ANKRD12: variants seen among roughly 807,000 people sequenced by gnomAD.
The protein encoded by ANKRD12 is ankyrin repeat domain 12.
A neutral mutation model predicts 183.4 loss-of-function variants in ANKRD12; 85 were observed. The ratio of observed to expected loss-of-function variants is 0.46; its 90% CI spans 0.39 to 0.56. The LOEUF is 0.56. Ranked by LOEUF, ANKRD12 falls within the 20% of genes least tolerant of loss-of-function variation. ANKRD12 has a pLI of 0.00. For missense variants in ANKRD12, 2,405 were observed against 2,357.1 expected, an observed-to-expected ratio of 1.02 and a Z score of -0.42; for synonymous variants, 914 against 800.2, an observed-to-expected ratio of 1.14 and a Z score of -2.40.
intron 7 of ANKRD12, among the ~76,000 whole-genome samples, chr18:9,220,856 GAAACCATCATTGGTTT>G (rs1295089574): frequency 6.6e-6 from 1 of 152,140 alleles, no homozygotes; most frequent in Admixed American, 6.5e-5. Flanking sequence ...GAGTCATAGG[GAAACCATCATTGGTTT>G]AGATCTTTTC....
chr18:9,217,625 A>G (rs1470491823), intron 7 of ANKRD12, among the ~76,000 whole-genome samples: 1 of 152,206 alleles, frequency 6.6e-6, no homozygotes, highest in Non-Finnish European at 1.5e-5. Flanking sequence ...GAATGAAGAA[A>G]AATGTAGCCT....
In ANKRD12 at chr18:9,258,069, A is replaced by G. The variant is rs2038746210; in HGVS notation, c.4802A>G (p.Asn1601Ser). The change falls in exon 9 of 13, where the codon AAT (asparagine) becomes AGT (serine). Residue 1601 changes from asparagine (N) to serine (S), a missense_variant. Physicochemically the swap from Asn to Ser is conservative, Grantham distance 46. This residue lies in a region of ANKRD12 where 1,983 missense variants were observed against 1,725.9 expected (regional missense o/e 1.15). Coordinates refer to ENST00000262126, the MANE Select transcript of ANKRD12 (RefSeq NM_015208.5). ...FNGSDASTQL[N>S]THYAFSKLTY... ...GGAAGTGATGCCTCTACCCAGCTAAATACACATTATGCATTTAGCAAACTA... is the reference window on the plus strand; with the variant it reads ...GGAAGTGATGCCTCTACCCAGCTAAGTACACATTATGCATTTAGCAAACTA... 1.2e-6 allele frequency: 2 copies of G among 1,613,274 alleles called. No individual in the cohort carries two copies. The highest frequency in any genetic ancestry group is 2.2e-5 in the East Asian group (1 of 44,882).
intron 4 of ANKRD12, among the ~76,000 whole-genome samples, chr18:9,205,408 C>T (rs950964241): frequency 6.6e-6 from 1 of 151,774 alleles, no homozygotes; most frequent in Non-Finnish European, 1.5e-5. Context: ...CTGTTTTATA[C>T]ACTTTTTATT....
intron 8 of ANKRD12, among the ~76,000 whole-genome samples, chr18:9,235,301 C>CTG (rs1012918069): frequency 6.6e-6 from 1 of 151,968 alleles, no homozygotes; most frequent in African/African-American, 2.4e-5. Flanking sequence ...CCAGCCTGGG[C>CTG]AACATAGAAA....
chr18:9,143,822 AGT>A (rs60169467), intron 1 of ANKRD12, among the ~76,000 whole-genome samples: 9,581 of 152,156 alleles, frequency 0.063, 332 homozygotes, highest in Non-Finnish European at 0.079. Context: ...CGCCCTCTTT[AGT>A]GTGTTTCTAT....
intron 8 of ANKRD12, among the ~76,000 whole-genome samples, chr18:9,248,837 G>T (rs1246083000): frequency 6.6e-6 from 1 of 152,216 alleles, no homozygotes; most frequent in Non-Finnish European, 1.5e-5. Flanking sequence ...GTTAGTATGG[G>T]AAGTCATGGC....
chr18:9,213,764 CTT>C (rs1192905505), intron 6 of ANKRD12, among the ~76,000 whole-genome samples: 2 of 151,398 alleles, frequency 1.3e-5, no homozygotes, highest in Non-Finnish European at 3.0e-5. Flanking sequence ...GAACATGTAA[CTT>C]TTTAATTACA....
At chr18:9,167,521 T>C (rs1234589542) in intron 1 of ANKRD12, among the ~76,000 whole-genome samples, 1 of 152,102 alleles carries the variant, frequency 6.6e-6, no homozygotes, top group Non-Finnish European at 1.5e-5. Context: ...CTCTGTTTGT[T>C]TGTTATTGGT....
intron 1 of ANKRD12, among the ~76,000 whole-genome samples, chr18:9,172,684 G>C (rs1355164618): frequency 6.6e-6 from 1 of 152,108 alleles, no homozygotes; most frequent in East Asian, 1.9e-4. Flanking sequence ...GCTCAGCCAA[G>C]TTCATTATCA....
intron 3 of ANKRD12, among the ~76,000 whole-genome samples, chr18:9,201,366 G>A (rs1464163502): frequency 6.6e-6 from 1 of 152,188 alleles, no homozygotes; most frequent in African/African-American, 2.4e-5. Context: ...ATGTGAAAGT[G>A]TTAAACAGCT....
chr18:9,246,057 G>A (rs2037944921), intron 8 of ANKRD12, among the ~76,000 whole-genome samples: 1 of 152,158 alleles, frequency 6.6e-6, no homozygotes, highest in South Asian at 2.1e-4. Context: ...ATGTAAGATG[G>A]ACATAGATGA....
chr18:9,222,997 A>G (rs1223314188), intron 8 of ANKRD12, among the ~76,000 whole-genome samples: 2 of 152,242 alleles, frequency 1.3e-5, no homozygotes, highest in Non-Finnish European at 2.9e-5. Context: ...AACTGTGGTA[A>G]ATATTGTCAA....
chr18:9,161,436 C>T (rs189794806), intron 1 of ANKRD12, among the ~76,000 whole-genome samples: 16 of 151,572 alleles, frequency 1.1e-4, no homozygotes, highest in African/African-American at 3.1e-4. Context: ...AGTGCAGTGG[C>T]GCGATCTCGG....
chr18:9,251,257 G>A (rs2038280901), intron 8 of ANKRD12, among the ~76,000 whole-genome samples: 1 of 152,110 alleles, frequency 6.6e-6, no homozygotes, highest in Admixed American at 6.6e-5. Context: ...CCCCGCATCA[G>A]CCACATCTGC....
chr18:9,254,344 T>G lies in ANKRD12; in HGVS notation c.1077T>G (p.Asp359Glu). ...AAACACCTCTTCCATCTGCCCTTGATGAGTATGAGTTCAAAGATGATGATG... is the reference window on the plus strand; with the variant it reads ...AAACACCTCTTCCATCTGCCCTTGAGGAGTATGAGTTCAAAGATGATGATG... ...PSKTPLPSAL[D>E]EYEFKDDDDE... is the part of the protein sequence containing the mutation. The change falls in exon 9 of 13, where the codon GAT becomes GAG. Residue 359 changes from aspartate to glutamate, a missense_variant. By Grantham distance (45) the Asp-to-Glu change is conservative (BLOSUM62 2). This residue lies in a region of ANKRD12 where 1,983 missense variants were observed against 1,725.9 expected (regional missense o/e 1.15). Transcript: ENST00000262126. 6.2e-7 allele frequency: 1 copy of G among 1,613,066 alleles called. No individual in the cohort carries two copies. The highest frequency in any genetic ancestry group is 8.5e-7 in the Non-Finnish European group (1 of 1,179,494).
At chr18:9,219,492 A>C (rs2036294012) in intron 7 of ANKRD12, among the ~76,000 whole-genome samples, 1 of 152,196 alleles carries the variant, frequency 6.6e-6, no homozygotes, top group African/African-American at 2.4e-5. Context: ...ATGAGCAGTT[A>C]CTGATGTAGA....
At chr18:9,232,365 C>T (rs1399952779) in intron 8 of ANKRD12, among the ~76,000 whole-genome samples, 4 of 152,118 alleles carry the variant, frequency 2.6e-5, no homozygotes, top group South Asian at 2.1e-4. Context: ...ATTTCTTCTT[C>T]GTTTATGAAG....
intron 1 of ANKRD12, among the ~76,000 whole-genome samples, chr18:9,157,452 C>G (rs1018236052): frequency 6.6e-5 from 10 of 151,686 alleles, no homozygotes; most frequent in African/African-American, 2.4e-4. Context: ...GACTTTTGCA[C>G]CATTTATAAA....
rs1018035756 is a variant in ANKRD12 at position 9,254,735 on chromosome 18, C to A, written c.1468C>A (p.Gln490Lys). The change falls in exon 9 of 13, where the codon CAA (glutamine) becomes AAA (lysine). Residue 490 changes from glutamine (Q) to lysine (K), a missense_variant. Coordinates refer to ENST00000262126, the MANE Select transcript of ANKRD12 (RefSeq NM_015208.5). ...NKNKENQELK[Q>K]EKEGKENTRI... ...AAATAAAGAGAACCAAGAGCTAAAG[C>A]AAGAAAAGGAAGGAAAAGAAAATAC... The A allele has an allele frequency of 6.7e-7, 1 of 1,485,516 alleles. No individual in the cohort carries two copies. Among genetic ancestry groups the A allele is most frequent in the Non-Finnish European group, 8.9e-7 (1 of 1,118,794 alleles). 92.0% of individuals were successfully genotyped at this position (1,485,516 alleles called of 1,614,324 possible). A position where few individuals can be genotyped will look rare whatever the true frequency, so the allele number is the denominator to read the frequency against.
Sources: gnomAD v4.1 joint callset for allele counts (sites outside exome capture counted in the v4.1 genomes callset) on GRCh38, gnomAD v4.1.1 for gene constraint, gnomAD v4.1.1 regional missense constraint, MANE v1.5 for transcripts, NCBI Gene and HGNC (gene_info 2026-07-23, HGNC 2026-07-21) for gene names.